The following PPM1E variants were observed in gnomAD, a reference collection of about 807,000 sequenced individuals.
PPM1E encodes protein phosphatase, Mg2+/Mn2+ dependent 1E, also known as protein phosphatase 1E.
A neutral mutation model predicts 65.9 loss-of-function variants in PPM1E; 20 were observed. The observed-to-expected ratio is 0.30, with a 90% CI of 0.21 to 0.44. The LOEUF (loss-of-function observed/expected upper bound fraction) is 0.44, where lower values mean the gene tolerates loss of function less well. Among genes scored for constraint, PPM1E ranks in the 20% least tolerant of loss-of-function variants. The pLI is 1.00. For synonymous variants in PPM1E, 352 were observed against 374.9 expected (o/e 0.94, Z 0.70); for missense variants, 713 against 953.1 (o/e 0.75, Z 3.32).
intron 1 of PPM1E, among the ~76,000 whole-genome samples, chr17:58,858,024 G>A (rs1317263337): frequency 6.6e-6 from 1 of 151,976 alleles, no homozygotes; most frequent in African/African-American, 2.4e-5. Flanking sequence ...GAATGTTTTG[G>A]AGTTTTTTCA....
intron 3 of PPM1E, among the ~76,000 whole-genome samples, chr17:58,967,766 T>A (rs1043894765): frequency 5.9e-5 from 9 of 151,928 alleles, no homozygotes; most frequent in African/African-American, 2.2e-4. Flanking sequence ...ACTGCTTTAG[T>A]AGGGATAGAA....
intron 1 of PPM1E, among the ~76,000 whole-genome samples, chr17:58,944,115 C>T (rs1258304921): frequency 2.6e-5 from 4 of 152,076 alleles, no homozygotes; most frequent in African/African-American, 9.7e-5. Context: ...AGTTACTGCC[C>T]CATATCTCTG....
At chr17:58,811,054 C>T (rs950654731) in intron 1 of PPM1E, among the ~76,000 whole-genome samples, 1 of 152,032 alleles carries the variant, frequency 6.6e-6, no homozygotes, top group Admixed American at 6.6e-5. Flanking sequence ...GACGGGGTTT[C>T]GCCATGTTGA....
intron 1 of PPM1E, among the ~76,000 whole-genome samples, chr17:58,829,720 T>A (rs977897909): frequency 6.6e-6 from 1 of 152,174 alleles, no homozygotes; most frequent in Non-Finnish European, 1.5e-5. Context: ...CCTTTACTAG[T>A]CTTTTTATAA....
At chr17:58,895,768 C>T (rs925528310) in intron 1 of PPM1E, among the ~76,000 whole-genome samples, 3 of 151,982 alleles carry the variant, frequency 2.0e-5, no homozygotes, top group African/African-American at 4.8e-5. Context: ...CATAGCGACA[C>T]GACTGCACTT....
chr17:58,888,263 TTACGCACTA>T (rs751093967), intron 1 of PPM1E, among the ~76,000 whole-genome samples: 28 of 151,820 alleles, frequency 1.8e-4, no homozygotes, highest in South Asian at 4.2e-4. Context: ...GGCTTTACAA[TTACGCACTA>T]TACATACAAT....
chr17:58,966,017 C>T, intron 3 of PPM1E, 124 bp downstream of exon 3: 1 of 1,029,424 alleles, frequency 9.7e-7, no homozygotes, highest in Non-Finnish European at 1.4e-6. Flanking sequence ...TAGAGTAGGG[C>T]TAAGTGCAAA....
At chr17:58,821,523 C>T (rs1567843747) in intron 1 of PPM1E, among the ~76,000 whole-genome samples, 1 of 152,088 alleles carries the variant, frequency 6.6e-6, no homozygotes, top group Non-Finnish European at 1.5e-5. Flanking sequence ...TTCCAATAGG[C>T]GCCACTCAGA....
chr17:58,883,834 C>G (rs2051234936), intron 1 of PPM1E, among the ~76,000 whole-genome samples: 1 of 152,032 alleles, frequency 6.6e-6, no homozygotes, highest in Non-Finnish European at 1.5e-5. Context: ...AATTGGGAAG[C>G]CTAAGTACAT....
At chr17:58,863,934 A>AGG (rs1166441760) in intron 1 of PPM1E, among the ~76,000 whole-genome samples, 1 of 151,872 alleles carries the variant, frequency 6.6e-6, no homozygotes, top group Middle Eastern at 3.2e-3. Context: ...GGCACAGGAT[A>AGG]GGGGGTGTGG....
At chr17:58,944,443 A>G (rs960957241) in intron 1 of PPM1E, among the ~76,000 whole-genome samples, 2 of 152,200 alleles carry the variant, frequency 1.3e-5, no homozygotes, top group South Asian at 2.1e-4. Flanking sequence ...GAAAATTTTC[A>G]TCACCCCAGA....
intron 1 of PPM1E, among the ~76,000 whole-genome samples, chr17:58,890,660 C>T (rs911668568): frequency 6.6e-6 from 1 of 151,918 alleles, no homozygotes; most frequent in African/African-American, 2.4e-5. Flanking sequence ...TATATATATA[C>T]ATGAATGTTT....
At position 58,969,721 on chromosome 17, in the gene PPM1E, C is replaced by G. The variant is rs2030473192; in HGVS notation, c.966C>G (p.Ala322=). The G allele has an allele frequency of 6.2e-7, 1 of 1,613,950 alleles. No homozygotes were observed. The highest frequency in any genetic ancestry group is 1.1e-5 in the South Asian group (1 of 91,070). ...ATGAGCGGTTTGTGCAGAAAGCAGC[C>G]AGGGAGGTATGCCCCTTTCTCATAA... The part of the protein sequence containing the change: ...VTDERFVQKA[A]RESLRCGTTG... The change falls in exon 4 of 7, where the codon GCC becomes GCG. Residue 322 remains alanine (A), a synonymous_variant. Transcript: ENST00000308249.
intron 1 of PPM1E, among the ~76,000 whole-genome samples, chr17:58,805,354 GATT>G (rs1429437761): frequency 6.6e-6 from 1 of 152,080 alleles, no homozygotes; most frequent in Non-Finnish European, 1.5e-5. Flanking sequence ...GGGTTCAAGT[GATT>G]GTCTTGCCTC....
intron 1 of PPM1E, among the ~76,000 whole-genome samples, chr17:58,840,000 C>T (rs1324379123): frequency 6.6e-6 from 1 of 152,158 alleles, no homozygotes; most frequent in Non-Finnish European, 1.5e-5. Context: ...TAGAGGTACT[C>T]ACAGAACTCA....
chr17:58,780,406 G>GCTACTCAGGATCCCA (rs2050039531), intron 1 of PPM1E, among the ~76,000 whole-genome samples: 1 of 152,182 alleles, frequency 6.6e-6, no homozygotes, highest in African/African-American at 2.4e-5. Context: ...AGGCTGAGGT[G>GCTACTCAGGATCCCA]GGAGGATCAC....
rs746727705 is a variant in PPM1E, at chr17:58,980,283, C to A, written c.1520C>A (p.Ser507Tyr). Reference sequence around the variant, plus strand: ...GAGGAATCAGATTGGACAGAGAACTCTTTTCAAGGAGGGCAAGAAGATGGT... The same window carrying A: ...GAGGAATCAGATTGGACAGAGAACTATTTTCAAGGAGGGCAAGAAGATGGT... ...VSEESDWTEN[S>Y]FQGGQEDGGD... Residue 507 changes from serine to tyrosine, a missense_variant, in exon 7 of 7, where the codon TCT becomes TAT. By Grantham distance (144) the Ser-to-Tyr change is moderately radical (BLOSUM62 -2). Coordinates refer to ENST00000308249, the MANE Select transcript of PPM1E (RefSeq NM_014906.5). This position sits in a 1 kb window ranked among gnomAD's most constrained non-coding sequence, Gnocchi z 4.7. 14 of 1,614,126 alleles carry A rather than the reference C, an allele frequency of 8.7e-6. No individual in the cohort carries two copies. The highest frequency in any genetic ancestry group is 1.1e-5 in the Non-Finnish European group (13 of 1,180,032).
chr17:58,916,042 G>A (rs918483408), intron 1 of PPM1E, among the ~76,000 whole-genome samples: 13 of 151,966 alleles, frequency 8.6e-5, no homozygotes, highest in African/African-American at 2.2e-4. Context: ...AGGGTTTCTC[G>A]TTATGTTGCC....
chr17:58,898,008 T>G (rs2051445126), intron 1 of PPM1E, among the ~76,000 whole-genome samples: 1 of 151,968 alleles, frequency 6.6e-6, no homozygotes, highest in Admixed American at 6.6e-5. Context: ...TGCCTGTAAT[T>G]CCAGCACTTT....
Sources: gnomAD v4.1 joint callset for allele counts (sites outside exome capture counted in the v4.1 genomes callset) on GRCh38, gnomAD v4.1.1 for gene constraint, Gnocchi (gnomAD v3.1) non-coding constraint, MANE v1.5 for transcripts, NCBI Gene and HGNC (gene_info 2026-07-23, HGNC 2026-07-21) for gene names.